The following CDK14 variants were observed in gnomAD, a reference collection of about 807,000 sequenced individuals.
CDK14 encodes cyclin dependent kinase 14.
A neutral mutation model predicts 60.7 loss-of-function variants in CDK14; 34 were observed. That is an observed-to-expected ratio of 0.56 (90% CI 0.43 to 0.75). CDK14 has a LOEUF of 0.75. CDK14 is among the 30% of genes least tolerant of loss of function. The pLI, the probability that CDK14 is intolerant of heterozygous loss-of-function variation, is 0.00. For missense variants in CDK14, 482 were observed against 564.1 expected, an observed-to-expected ratio of 0.85 and a Z score of 1.47; for synonymous variants, 197 against 203.7, an observed-to-expected ratio of 0.97 and a Z score of 0.28.
intron 11 of CDK14, among the ~76,000 whole-genome samples, chr7:91,071,036 T>C (rs762487420): frequency 1.8e-4 from 27 of 152,202 alleles, no homozygotes; most frequent in Non-Finnish European, 3.4e-4. Context: ...AATCCTGGCA[T>C]AATTGTCTGT....
rs566533761 is a variant in CDK14 at position 90,791,830 on chromosome 7, C to T, written c.544+1178C>T. ...GTCTCTTCTGTGACATCAGATTTTC[C>T]AAGTAGGTAGGTTTTTCTCTTAGGC... On this transcript the variant is annotated intron_variant, in intron 5 of 14. Transcript: ENST00000380050. Among the ~76,000 whole-genome samples the T allele has an allele frequency of 6.6e-5, 10 of 151,758 alleles. No individual in the cohort carries two copies. The South Asian group carries it at 1.9e-3, about 28-fold the overall frequency.
intron 5 of CDK14, among the ~76,000 whole-genome samples, chr7:90,845,468 C>G (rs975685035): frequency 1.3e-5 from 2 of 149,198 alleles, no homozygotes; most frequent in African/African-American, 4.9e-5. Flanking sequence ...CTTATTTGAA[C>G]TTATTTGAAT....
At chr7:91,077,966 T>C (rs1798372200) in intron 11 of CDK14, among the ~76,000 whole-genome samples, 1 of 152,244 alleles carries the variant, frequency 6.6e-6, no homozygotes, top group Non-Finnish European at 1.5e-5. Context: ...AAGAATGTTT[T>C]ATCAAGTGTA....
intron 14 of CDK14, among the ~76,000 whole-genome samples, chr7:91,129,748 T>A (rs2116420130): frequency 6.6e-6 from 1 of 152,306 alleles, no homozygotes; most frequent in Admixed American, 6.5e-5. Flanking sequence ...GAGAACTCTA[T>A]GGGTAGCTTT....
chr7:91,099,256 A>G (rs908437734), intron 12 of CDK14, among the ~76,000 whole-genome samples: 1 of 152,110 alleles, frequency 6.6e-6, no homozygotes, highest in Non-Finnish European at 1.5e-5. Context: ...AATGTTTTTC[A>G]TACTGCTTGG....
chr7:91,112,891 G>C (rs1451337786), intron 13 of CDK14, among the ~76,000 whole-genome samples: 1 of 151,704 alleles, frequency 6.6e-6, no homozygotes, highest in African/African-American at 2.4e-5. Flanking sequence ...GGGGAAGGGG[G>C]GCCATGTGTA....
intron 2 of CDK14, among the ~76,000 whole-genome samples, chr7:90,627,457 C>G (rs550649716): frequency 6.6e-6 from 1 of 152,168 alleles, no homozygotes; most frequent in African/African-American, 2.4e-5. Context: ...AAGCAATCCT[C>G]GTGTTTTGGC....
chr7:91,123,590 TCCCCACCTCACCTCA>T (rs1453567413), intron 14 of CDK14, among the ~76,000 whole-genome samples: 1 of 152,082 alleles, frequency 6.6e-6, no homozygotes, highest in Non-Finnish European at 1.5e-5. Flanking sequence ...GCTATTAGTT[TCCCCACCTCACCTCA>T]CCCCACCTCC....
intron 10 of CDK14, among the ~76,000 whole-genome samples, chr7:91,020,985 T>C (rs7809034): frequency 0.028 from 4,237 of 152,328 alleles, 87 homozygotes; most frequent in South Asian, 0.071. Flanking sequence ...AGCTACAGGC[T>C]GTTCTCAGCT....
chr7:90,937,409 T>C (rs971813337), intron 8 of CDK14, among the ~76,000 whole-genome samples: 13 of 152,212 alleles, frequency 8.5e-5, no homozygotes, highest in African/African-American at 3.1e-4. Context: ...GTAAATGTAG[T>C]GTGAAAACCA....
intron 10 of CDK14, among the ~76,000 whole-genome samples, chr7:90,987,088 T>G (rs1003353698): frequency 4.6e-5 from 7 of 152,000 alleles, no homozygotes. Flanking sequence ...TGACATAGCT[T>G]TGTCAAAGCT....
At chr7:90,745,183 C>G (rs1402015099) in intron 3 of CDK14, among the ~76,000 whole-genome samples, 1 of 152,144 alleles carries the variant, frequency 6.6e-6, no homozygotes, top group African/African-American at 2.4e-5. Flanking sequence ...TTTTATTTCT[C>G]CTTTCCTACT....
intron 2 of CDK14, among the ~76,000 whole-genome samples, chr7:90,633,028 G>A (rs921586225): frequency 6.6e-6 from 1 of 151,672 alleles, no homozygotes; most frequent in African/African-American, 2.4e-5. Context: ...TCTGGGAGGT[G>A]GAGGTTGCAG....
At chr7:91,091,287 T>A (rs1798800475) in intron 12 of CDK14, among the ~76,000 whole-genome samples, 2 of 145,250 alleles carry the variant, frequency 1.4e-5, no homozygotes, top group African/African-American at 5.0e-5. Flanking sequence ...AATATATATG[T>A]ATATATTTTT....
At position 91,009,305 on chromosome 7, in the gene CDK14, A is replaced by G. The variant is rs971901878; in HGVS notation, c.1041+25064A>G. On this transcript the variant is annotated intron_variant, in intron 10 of 14. Coordinates refer to ENST00000380050, the MANE Select transcript of CDK14 (RefSeq NM_001287135.2). Reference sequence around the variant, plus strand: ...ACATTTTAGTTTCCAGTTTTGTTGTACCTTTCTATTACAAGTAAAACTGCT... The same window carrying G: ...ACATTTTAGTTTCCAGTTTTGTTGTGCCTTTCTATTACAAGTAAAACTGCT... 7.9e-5 allele frequency among the ~76,000 whole-genome samples: 12 copies of G among 152,152 alleles called. No homozygotes were observed. The East Asian group carries it at 2.1e-3, about 27-fold the overall frequency.
At chr7:91,076,020 TATC>T in intron 11 of CDK14, among the ~76,000 whole-genome samples, 1 of 151,718 alleles carries the variant, frequency 6.6e-6, no homozygotes, top group Non-Finnish European at 1.5e-5. Flanking sequence ...GAAGAATCAA[TATC>T]ATGAAAATGG....
chr7:91,153,348 A>G (rs1800878058), intron 14 of CDK14, among the ~76,000 whole-genome samples: 1 of 152,208 alleles, frequency 6.6e-6, no homozygotes, highest in African/African-American at 2.4e-5. Flanking sequence ...TCAAGGAGCT[A>G]AAAGCAGAAC....
chr7:90,740,895 A>G (rs377752590), intron 3 of CDK14, among the ~76,000 whole-genome samples: 1 of 152,128 alleles, frequency 6.6e-6, no homozygotes, highest in Non-Finnish European at 1.5e-5. Flanking sequence ...AATTCAGTGT[A>G]TGGTCTTGGG....
At chr7:91,062,443 C>A (rs1157790326) in intron 11 of CDK14, among the ~76,000 whole-genome samples, 1 of 152,026 alleles carries the variant, frequency 6.6e-6, no homozygotes, top group African/African-American at 2.4e-5. Flanking sequence ...GTGAGATGAA[C>A]CTGGTACCTC....
Sources: gnomAD v4.1 joint callset for allele counts (sites outside exome capture counted in the v4.1 genomes callset) on GRCh38, gnomAD v4.1.1 for gene constraint, MANE v1.5 for transcripts, NCBI Gene and HGNC (gene_info 2026-07-23, HGNC 2026-07-21) for gene names.